GATC: variants seen among roughly 807,000 people sequenced by gnomAD.
GATC encodes glutamyl-tRNA(Gln) amidotransferase subunit C, mitochondrial.
A neutral mutation model predicts 14.4 loss-of-function variants in GATC; 11 were observed. The ratio of observed to expected loss-of-function variants is 0.77; its 90% CI spans 0.48 to 1.27. The LOEUF (loss-of-function observed/expected upper bound fraction) is 1.27, where lower values mean the gene tolerates loss of function less well. GATC is among the 50% of genes most tolerant of loss of function. The pLI is 0.00. For synonymous variants in GATC, 76 were observed against 79.3 expected (o/e 0.96, Z 0.22); for missense variants, 204 against 183.0 (o/e 1.11, Z -0.66).
chr12:120,446,692 C>A lies in GATC; in HGVS notation c.117C>A (p.His39Gln). The A allele has an allele frequency of 1.2e-6, 2 of 1,613,644 alleles. No individual in the cohort carries two copies. The highest frequency in any genetic ancestry group is 1.7e-6 in the Non-Finnish European group (2 of 1,179,882). Residue 39 changes from histidine (H) to glutamine (Q), a missense_variant, in exon 2 of 4, where the codon CAC becomes CAA. Coordinates refer to ENST00000551765, the MANE Select transcript of GATC (RefSeq NM_176818.3). ...GGATCACGGCTGCGGTGATCGAGCA[C>A]CTGGAGCGTCTAGCGCTTGTGGACT... The part of the protein sequence containing the change: ...SGRITAAVIE[H>Q]LERLALVDFG...
At chr12:120,454,961 C>T (rs1878143253) in intron 2 of GATC, 2 of 450,778 alleles carry the variant, frequency 4.4e-6, no homozygotes, top group South Asian at 1.6e-5. Context: ...GATCTCCGCT[C>T]ACTACAAACT....
At chr12:120,456,438 C>T (rs1233689692) in intron 2 of GATC, among the ~76,000 whole-genome samples, 1 of 152,148 alleles carries the variant, frequency 6.6e-6, no homozygotes, top group African/African-American at 2.4e-5. Context: ...TACTTAGCAG[C>T]CAACATCCTT....
intron 2 of GATC, among the ~76,000 whole-genome samples, chr12:120,451,945 C>A (rs992590373): frequency 3.1e-5 from 4 of 130,358 alleles, no homozygotes; most frequent in Non-Finnish European, 6.2e-5. Flanking sequence ...GGCACGATCT[C>A]AGCTCACTGC....
rs1878288001 is a variant in GATC, at chr12:120,459,918, T to G, written c.370T>G (p.Leu124Val). The change falls in exon 4 of 4, where the codon TTG becomes GTG. Residue 124 changes from leucine to valine, a missense_variant. Coordinates refer to ENST00000551765, the MANE Select transcript of GATC (RefSeq NM_176818.3). ...YFVAPPGNIS[L>V]PKLDEQEPFP... ...TTATTTTCAAACAGGTAATATCTCTTTGCCAAAGCTGGATGAACAAGAGCC... is the reference window on the plus strand; with the variant it reads ...TTATTTTCAAACAGGTAATATCTCTGTGCCAAAGCTGGATGAACAAGAGCC... 1 of 1,612,380 alleles carries G rather than the reference T, an allele frequency of 6.2e-7. No individual in the cohort carries two copies. Among genetic ancestry groups the G allele is most frequent in the African/African-American group, 1.3e-5 (1 of 74,884 alleles).
chr12:120,455,280 C>T (rs761157082), intron 2 of GATC, among the ~76,000 whole-genome samples: 15 of 151,370 alleles, frequency 9.9e-5, no homozygotes, highest in Non-Finnish European at 1.8e-4. Flanking sequence ...GCGATTCTCC[C>T]GCCTCAGCCT....
At chr12:120,450,786 A>G (rs1158527113) in intron 2 of GATC, 2 of 152,220 alleles carry the variant, frequency 1.3e-5, no homozygotes, top group Non-Finnish European at 2.9e-5. Flanking sequence ...TCTTCTCACC[A>G]TCCTTCTTTG....
rs541527276 is a variant in GATC at position 120,462,410 on chromosome 12, A to G, written c.*2451A>G. ...GCCCAAGGTAACACAATAAATGCCA[A>G]TTTGACATGTTGATACTCAATTAAC... On this transcript the variant is annotated 3_prime_UTR_variant, in exon 4 of 4. Transcript: ENST00000551765. 4 of 369,124 alleles carry G rather than the reference A, an allele frequency of 1.1e-5. No homozygotes were observed. The highest frequency in any genetic ancestry group is 4.2e-5 in the African/African-American group (2 of 47,730). The allele number at this position is 369,124 out of a possible 1,614,324, so 22.9% of individuals were successfully genotyped here.
At chr12:120,457,254 A>C in intron 3 of GATC, 75 bp downstream of exon 3, 1 of 1,119,988 alleles carries the variant, frequency 8.9e-7, no homozygotes, top group Non-Finnish European at 1.4e-6. Context: ...CATGAGGACC[A>C]AAGATGCTAT....
chr12:120,448,469 C>T (rs1404504962), intron 2 of GATC, among the ~76,000 whole-genome samples: 1 of 151,230 alleles, frequency 6.6e-6, no homozygotes, highest in Non-Finnish European at 1.5e-5. Flanking sequence ...GCTGGGATTA[C>T]AGGCACCCGC....
chr12:120,454,857 CAAAA>C (rs544102647), intron 2 of GATC: 13 of 192,096 alleles, frequency 6.8e-5, no homozygotes, highest in African/African-American at 2.5e-4. Flanking sequence ...TTGTGTTATT[CAAAA>C]AAAAAAAAAA....
intron 3 of GATC, among the ~76,000 whole-genome samples, chr12:120,458,445 G>C (rs1004480065): frequency 6.6e-6 from 1 of 152,218 alleles, no homozygotes; most frequent in South Asian, 2.1e-4. Flanking sequence ...TACCATCCAA[G>C]CCAAATAAAA....
chr12:120,451,352 G>A (rs1837934574), intron 2 of GATC, among the ~76,000 whole-genome samples: 1 of 151,868 alleles, frequency 6.6e-6, no homozygotes, highest in East Asian at 1.9e-4. Flanking sequence ...GCTGAAGCAG[G>A]AGAATCGGTT....
chr12:120,454,010 A>T (rs958247944), intron 2 of GATC, among the ~76,000 whole-genome samples: 2 of 152,220 alleles, frequency 1.3e-5, no homozygotes, highest in Non-Finnish European at 2.9e-5. Flanking sequence ...CTTACGCAGG[A>T]AACTTAATTA....
At chr12:120,449,784 C>G (rs554964757) in intron 2 of GATC, among the ~76,000 whole-genome samples, 1 of 150,008 alleles carries the variant, frequency 6.7e-6, no homozygotes, top group African/African-American at 2.5e-5. Context: ...TTTTTAGAGA[C>G]AGAGTTTTGC....
intron 2 of GATC, among the ~76,000 whole-genome samples, chr12:120,447,267 C>T (rs1012308917): frequency 6.6e-6 from 1 of 152,000 alleles, no homozygotes; most frequent in South Asian, 2.1e-4. Flanking sequence ...TTAGTAGAGA[C>T]GTGGTTTCAC....
chr12:120,458,098 A>T (rs1224204911), intron 3 of GATC, among the ~76,000 whole-genome samples: 7 of 136,774 alleles, frequency 5.1e-5, no homozygotes, highest in South Asian at 4.7e-4. Context: ...TATTTCTTAA[A>T]TTTTTTTTTT....
At chr12:120,448,282 C>T (rs2137037550) in intron 2 of GATC, among the ~76,000 whole-genome samples, 1 of 151,360 alleles carries the variant, frequency 6.6e-6, no homozygotes, top group African/African-American at 2.4e-5. Context: ...GTCTCAAACT[C>T]CTGGTCTCAA....
chr12:120,447,064 TTTTG>T (rs572661065), intron 2 of GATC, among the ~76,000 whole-genome samples: 241 of 129,134 alleles, frequency 1.9e-3, no homozygotes, highest in South Asian at 0.014. Context: ...TTGTTTTTTT[TTTTG>T]TTTGTTTGTT....
chr12:120,446,868 C>G (rs1172591754), intron 2 of GATC, 39 bp downstream of exon 2: 10 of 1,549,650 alleles, frequency 6.5e-6, no homozygotes, highest in Non-Finnish European at 8.8e-6. Context: ...TTGACCGTGG[C>G]CCGTTCGCAG....
Sources: allele counts gnomAD v4.1 joint callset (sites outside exome capture counted in the v4.1 genomes callset), GRCh38; gene constraint gnomAD v4.1.1; transcripts MANE v1.5; gene names NCBI Gene and HGNC (gene_info 2026-07-23, HGNC 2026-07-21).